The following RAPGEF6 variants were observed in gnomAD, a reference collection of about 807,000 sequenced individuals.
RAPGEF6 encodes Rap guanine nucleotide exchange factor 6.
RAPGEF6 carries 56 observed loss-of-function variants against 171.4 expected under a neutral mutation model. That is an observed-to-expected ratio of 0.33 (90% CI 0.26 to 0.41). The LOEUF (loss-of-function observed/expected upper bound fraction) is 0.41, where lower values mean the gene tolerates loss of function less well. Among genes scored for constraint, RAPGEF6 ranks in the 10% least tolerant of loss-of-function variants. RAPGEF6 has a pLI of 1.00. For missense variants in RAPGEF6, 1,674 were observed against 1,921.4 expected (o/e 0.87, Z 2.41); for synonymous variants, 692 against 650.1 (o/e 1.06, Z -0.98).
intron 21 of RAPGEF6, among the ~76,000 whole-genome samples, chr5:131,450,407 T>C (rs1228689349): frequency 2.0e-5 from 3 of 152,172 alleles, no homozygotes; most frequent in Non-Finnish European, 2.9e-5. Flanking sequence ...CTTAAAGGAA[T>C]AGAATTTCTG....
chr5:131,479,803 T>A (rs2149856656), intron 15 of RAPGEF6, 50 bp from the exon 16 acceptor site: 1 of 1,573,922 alleles, frequency 6.4e-7, no homozygotes, highest in African/African-American at 1.4e-5. Flanking sequence ...TTCAGAAAAT[T>A]TTTATACCAA....
chr5:131,455,138 T>C (rs1446393441), intron 20 of RAPGEF6, among the ~76,000 whole-genome samples: 1 of 152,154 alleles, frequency 6.6e-6, no homozygotes, highest in Non-Finnish European at 1.5e-5. Flanking sequence ...GAATAAAAAA[T>C]AGTAGTAACA....
chr5:131,433,595 G>C lies in RAPGEF6; in HGVS notation c.3809C>G (p.Ser1270Cys), dbSNP rs777611016. ...ATTGCTCACGATGCTGGACCGTGAA[G>C]AAATCTCACTATGGCTGGAGTCAGA... is the stretch of plus-strand genomic sequence containing the variant. ...NLSDSSHSEI[S>C]SRSSIVSNCS... The change falls in exon 25 of 28, where the codon TCT becomes TGT. Residue 1270 changes from serine to cysteine, a missense_variant. By Grantham distance (112) the Ser-to-Cys change is moderately radical (BLOSUM62 -1). Around this residue, in one of 3 missense-constraint regions of RAPGEF6, gnomAD observed 552 missense variants for 574.2 expected, o/e 0.96. Transcript: ENST00000509018. The C allele has an allele frequency of 6.2e-7, 1 of 1,613,926 alleles. No homozygotes were observed.
At chr5:131,576,237 G>T (rs532108563) in intron 4 of RAPGEF6, among the ~76,000 whole-genome samples, 1 of 152,132 alleles carries the variant, frequency 6.6e-6, no homozygotes, top group South Asian at 2.1e-4. Context: ...GTTCTTCAAG[G>T]CCCAATCGTT....
At chr5:131,609,046 C>T (rs1177167328) in intron 1 of RAPGEF6, among the ~76,000 whole-genome samples, 1 of 152,194 alleles carries the variant, frequency 6.6e-6, no homozygotes, top group African/African-American at 2.4e-5. Flanking sequence ...CCTTGGCTTC[C>T]CAAAGTGCTG....
intron 16 of RAPGEF6, among the ~76,000 whole-genome samples, chr5:131,478,502 T>C (rs1755258643): frequency 6.6e-6 from 1 of 152,218 alleles, no homozygotes; most frequent in South Asian, 2.1e-4. Flanking sequence ...CCTCATAACC[T>C]ACTTCTCTTG....
At chr5:131,571,583 G>C (rs571150694) in intron 4 of RAPGEF6, among the ~76,000 whole-genome samples, 132 of 152,262 alleles carry the variant, frequency 8.7e-4, no homozygotes, top group Admixed American at 2.4e-3. Flanking sequence ...TAAATAAATG[G>C]AGTGATGTAC....
chr5:131,623,907 G>C (rs1008264519), intron 1 of RAPGEF6, among the ~76,000 whole-genome samples: 1 of 152,212 alleles, frequency 6.6e-6, no homozygotes, highest in Non-Finnish European at 1.5e-5. Context: ...CTTACAATCA[G>C]AGAGAAATAT....
intron 13 of RAPGEF6, among the ~76,000 whole-genome samples, chr5:131,495,334 T>A (rs13184809): frequency 1.0e-5 from 1 of 97,306 alleles, no homozygotes; most frequent in Non-Finnish European, 2.3e-5. Flanking sequence ...TAAATAAATA[T>A]AAATAAAAAA....
At chr5:131,558,361 G>A (rs1016712061) in intron 5 of RAPGEF6, among the ~76,000 whole-genome samples, 2 of 151,658 alleles carry the variant, frequency 1.3e-5, no homozygotes, top group Admixed American at 6.6e-5. Flanking sequence ...GATACTGATT[G>A]TATGACATGT....
At chr5:131,592,523 A>G in intron 3 of RAPGEF6, 57 bp from the exon 4 acceptor site, 1 of 1,563,162 alleles carries the variant, frequency 6.4e-7, no homozygotes, top group Non-Finnish European at 8.7e-7. Context: ...TCATATGTAT[A>G]TGAATTCAAT....
chr5:131,567,369 T>A (rs1762016067), intron 4 of RAPGEF6, among the ~76,000 whole-genome samples: 1 of 152,196 alleles, frequency 6.6e-6, no homozygotes, highest in South Asian at 2.1e-4. Flanking sequence ...TTAAGATGAC[T>A]AGATCAAAAC....
chr5:131,477,571 A>G (rs1303859970), intron 16 of RAPGEF6, among the ~76,000 whole-genome samples: 2 of 152,234 alleles, frequency 1.3e-5, no homozygotes, highest in African/African-American at 4.8e-5. Flanking sequence ...TGCTGTAACC[A>G]AAGACAGAAT....
At chr5:131,443,967 C>G (rs959340919) in intron 22 of RAPGEF6, among the ~76,000 whole-genome samples, 2 of 152,174 alleles carry the variant, frequency 1.3e-5, no homozygotes, top group Non-Finnish European at 2.9e-5. Context: ...AGAACCCTTA[C>G]TTATAAAAGC....
chr5:131,625,593 A>G (rs529819117), intron 1 of RAPGEF6, among the ~76,000 whole-genome samples: 1 of 152,224 alleles, frequency 6.6e-6, no homozygotes, highest in African/African-American at 2.4e-5. Context: ...AGGTGGGTGG[A>G]TCACGAGGTC....
At chr5:131,463,729 C>G in intron 18 of RAPGEF6, 2 of 1,002,556 alleles carry the variant, frequency 2.0e-6, no homozygotes, top group Non-Finnish European at 2.4e-6. Flanking sequence ...CTGTGAAAAC[C>G]ATGGCTTCTT....
rs1561583689 is a variant in RAPGEF6, at chr5:131,585,287, ACTATACAT to A, written c.281+7088_281+7095del. Among the ~76,000 whole-genome samples, 313 of 122,894 alleles carry A rather than the reference ACTATACAT, an allele frequency of 2.5e-3. 1 individual carries two copies. The highest frequency in any genetic ancestry group is 5.0e-3 in the African/African-American group (180 of 36,362). 80.6% of individuals were successfully genotyped at this position (122,894 alleles called of 152,430 possible). On this transcript the variant is annotated intron_variant, in intron 4 of 27. Coordinates refer to ENST00000509018, the MANE Select transcript of RAPGEF6 (RefSeq NM_016340.6). ...TTCTAGAAAATAAGAAAAAAAAAAAACTATACATACATACATACATACATACATACATA... is the reference window on the plus strand; with the variant it reads ...TTCTAGAAAATAAGAAAAAAAAAAAAACATACATACATACATACATACATA...
chr5:131,503,519 G>A (rs916454432), intron 11 of RAPGEF6, among the ~76,000 whole-genome samples: 14 of 152,144 alleles, frequency 9.2e-5, no homozygotes, highest in Admixed American at 2.0e-4. Context: ...GATCTCTGAG[G>A]AATAGCCTGA....
At chr5:131,462,717 C>T (rs1754020194) in intron 18 of RAPGEF6, among the ~76,000 whole-genome samples, 1 of 152,194 alleles carries the variant, frequency 6.6e-6, no homozygotes, top group Non-Finnish European at 1.5e-5. Flanking sequence ...TTCTACAGCA[C>T]TTAAAAGTAA....
Sources: allele counts gnomAD v4.1 joint callset (sites outside exome capture counted in the v4.1 genomes callset), GRCh38; gene constraint gnomAD v4.1.1; regional missense constraint gnomAD v4.1.1; transcripts MANE v1.5; gene names NCBI Gene and HGNC (gene_info 2026-07-23, HGNC 2026-07-21).